Variants in EIF2D observed in about 807,000 individuals in gnomAD.
EIF2D encodes the protein eukaryotic translation initiation factor 2D, also known as hepatocellular carcinoma-associated antigen 56.
In EIF2D, 56 loss-of-function variants were observed where a neutral mutation model predicts 77.4. The observed-to-expected ratio is 0.72, with a 90% CI of 0.58 to 0.90. The LOEUF (loss-of-function observed/expected upper bound fraction) is 0.90. Ranked by LOEUF, EIF2D falls within the 40% of genes least tolerant of loss-of-function variation. The pLI, the probability that EIF2D is intolerant of heterozygous loss-of-function variation, is 0.00. For synonymous variants in EIF2D, 230 were observed against 271.0 expected (o/e 0.85, Z 1.49); for missense variants, 574 against 706.5 (o/e 0.81, Z 2.13).
At chr1:206,570,957 G>A (rs191459892), downstream of EIF2D, among the ~76,000 whole-genome samples, 1 of 152,274 alleles carries the variant, frequency 6.6e-6, no homozygotes, top group Non-Finnish European at 1.5e-5. Context: ...ATACCCAGAA[G>A]TGTAATTGCT....
At chr1:206,585,120 A>C in intron 2 of EIF2D, 5 of 1,305,064 alleles carry the variant, frequency 3.8e-6, no homozygotes, top group Non-Finnish European at 5.5e-6. Flanking sequence ...CTTTCCCGCA[A>C]GCCTGGGCCC....
rs1669511373 is a variant in EIF2D, at chr1:206,593,926, CT to C, written c.1510-134del. 33 of 702,030 alleles carry C rather than the reference CT, an allele frequency of 4.7e-5. No homozygotes were observed. In the East Asian group the frequency reaches 8.6e-4, roughly 18 times the overall value. 43.5% of individuals were successfully genotyped at this position (702,030 alleles called of 1,614,324 possible). On this transcript the variant is annotated intron_variant, in intron 13 of 14. Coordinates refer to ENST00000271764, the MANE Select transcript of EIF2D (RefSeq NM_006893.3). ...GTTCACCATTCCTATAACCCTAGTA[CT>C]TTTTAAATCCAAATCACTTATTTTT... is the stretch of plus-strand genomic sequence containing the variant.
intron 11 of EIF2D, 21 bp downstream of exon 11, chr1:206,598,982 T>A: frequency 2.5e-6 from 4 of 1,612,272 alleles, no homozygotes; most frequent in Non-Finnish European, 3.4e-6. Flanking sequence ...AAGACAGATC[T>A]GGTGCTTCTC....
At chr1:206,571,327 A>G (rs781971586) in exon 6 of EIF2D, 4 of 151,876 alleles carry the variant, frequency 2.6e-5, no homozygotes, top group African/African-American at 4.8e-5. Context: ...CTGCATATCA[A>G]TCCCTTATGG....
At chr1:206,581,580 CAGAG>C (rs1668875751) in intron 2 of EIF2D, among the ~76,000 whole-genome samples, 1 of 149,642 alleles carries the variant, frequency 6.7e-6, no homozygotes, top group Admixed American at 6.7e-5. Flanking sequence ...GCCTGGGTGA[CAGAG>C]GGAGACGAAA....
chr1:206,586,526 C>T, intron 2 of EIF2D: 1 of 276,844 alleles, frequency 3.6e-6, no homozygotes, highest in Non-Finnish European at 7.0e-6. Flanking sequence ...GTGGTTCCAG[C>T]ATCACTGTCA....
Position 206,602,536 on chromosome 1 carries a change from T to C in EIF2D, c.785-83A>G. 2.5e-6 allele frequency: 3 copies of C among 1,220,114 alleles called. No individual in the cohort carries two copies. In the Admixed American group the frequency reaches 5.2e-5, roughly 21 times the overall value. 75.6% of individuals were successfully genotyped at this position (1,220,114 alleles called of 1,614,324 possible). On this transcript the variant is annotated intron_variant, in intron 6 of 14. Transcript: ENST00000271764. The stretch of plus-strand genomic sequence containing the variant: ...AGAAAACGACCCCCAGCTTCATCCC[T>C]ACCTCACCCACTTGGCTCTGAAAGG...
rs782142573 is a variant in EIF2D, at chr1:206,591,828, G to T, written c.1702C>A (p.Arg568=). The stretch of plus-strand genomic sequence containing the variant: ...TTTTCTAGACCTTGGATGTGTTTTC[G>T]AGGGAGCTGATACTCTTCTACAATC... ...WLLLEEYQLP[R]KHIQGLEKAL... is the part of the protein sequence containing the mutation. Residue 568 remains arginine (R), a synonymous_variant, in exon 15 of 15, where the codon CGA becomes AGA. Coordinates refer to ENST00000271764, the MANE Select transcript of EIF2D (RefSeq NM_006893.3). 4 of 1,613,946 alleles carry T rather than the reference G, an allele frequency of 2.5e-6. No homozygotes were observed. In the African/African-American group the frequency reaches 5.3e-5, roughly 22 times the overall value.
At chr1:206,587,731 C>T (rs538220743), downstream of EIF2D, 2 of 152,426 alleles carry the variant, frequency 1.3e-5, no homozygotes, top group Non-Finnish European at 2.9e-5. Context: ...TTTTAAGTTA[C>T]AAATTTGAAT....
chr1:206,586,687 A>T (rs1327304557), downstream of EIF2D: 4 of 706,816 alleles, frequency 5.7e-6, no homozygotes, highest in East Asian at 2.5e-5. Context: ...TCGCTGATTC[A>T]GTCTGTTCAG....
At chr1:206,602,843 T>G (rs1558537098) in intron 6 of EIF2D, 108 bp downstream of exon 6, 7 of 1,468,698 alleles carry the variant, frequency 4.8e-6, no homozygotes, top group Non-Finnish European at 6.4e-6. Context: ...GACCTTCCCC[T>G]CCTCCCCCGG....
chr1:206,571,350 G>T (rs1211024214), exon 6 of EIF2D: 8 of 150,012 alleles, frequency 5.3e-5, no homozygotes, highest in Non-Finnish European at 1.2e-4. Flanking sequence ...TATATCATTT[G>T]CAAAGGAATA....
chr1:206,592,331 A>C lies in EIF2D; in HGVS notation c.1685-486T>G, dbSNP rs1669378708. 6.6e-6 allele frequency among the ~76,000 whole-genome samples: 1 copy of C among 152,268 alleles called. No individual in the cohort carries two copies. The highest frequency in any genetic ancestry group is 1.5e-5 in the Non-Finnish European group (1 of 68,048). ...TTAGAAAAAATTAGCCAAGCTGCAG[A>C]CATTAACCGGAAATATAAACACAAT... On this transcript the variant is annotated intron_variant, in intron 14 of 14. Coordinates refer to ENST00000271764, the MANE Select transcript of EIF2D (RefSeq NM_006893.3). This position sits in a 1 kb window ranked among gnomAD's most constrained non-coding sequence, Gnocchi z 4.7.
At position 206,584,807 on chromosome 1, in the gene EIF2D, C is replaced by G; in HGVS notation, c.139-3645G>C. ...CTTCTCCTGAGCACCAGGGGTCCAG[C>G]TGCCCATGTGGTGTTCAGATCTGTG... On this transcript the variant is annotated intron_variant and NMD_transcript_variant, in intron 2 of 5. Transcript: ENST00000472709. The surrounding 1 kb of genome is among the most constrained non-coding windows in gnomAD (Gnocchi z 4.9). 1 of 1,025,168 alleles carries G rather than the reference C, an allele frequency of 9.8e-7. No homozygotes were observed. The highest frequency in any genetic ancestry group is 2.6e-5 in the East Asian group (1 of 38,732). 63.5% of individuals were successfully genotyped at this position (1,025,168 alleles called of 1,614,324 possible). A position where few individuals can be genotyped will look rare whatever the true frequency, so the allele number is the denominator to read the frequency against.
At chr1:206,606,481 A>G (rs1265865504) in intron 4 of EIF2D, among the ~76,000 whole-genome samples, 2 of 152,084 alleles carry the variant, frequency 1.3e-5, no homozygotes, top group African/African-American at 4.8e-5. Context: ...CTCCACCCCC[A>G]TATACACTCT....
At chr1:206,595,541 G>A in intron 13 of EIF2D, 177 bp downstream of exon 13, 1 of 608,590 alleles carries the variant, frequency 1.6e-6, no homozygotes, top group Non-Finnish European at 2.6e-6. Flanking sequence ...AGTGAGCGGG[G>A]TCAGCTTTAC....
intron 2 of EIF2D, among the ~76,000 whole-genome samples, chr1:206,582,459 T>A (rs1261992568): frequency 6.6e-6 from 1 of 152,192 alleles, no homozygotes; most frequent in Non-Finnish European, 1.5e-5. Flanking sequence ...CTCAATAGTC[T>A]CACCTGTAAG....
chr1:206,586,981 G>A (rs782708472), downstream of EIF2D: 50 of 1,613,902 alleles, frequency 3.1e-5, no homozygotes, highest in Non-Finnish European at 4.1e-5. Context: ...CTGGGTAACC[G>A]GTCCTGCTTC....
At chr1:206,607,252 A>G (rs184581370) in intron 4 of EIF2D, among the ~76,000 whole-genome samples, 2 of 152,374 alleles carry the variant, frequency 1.3e-5, no homozygotes, top group Non-Finnish European at 1.5e-5. Context: ...AAGTGAAAAA[A>G]TAACACATAC....
Sources: allele counts gnomAD v4.1 joint callset (sites outside exome capture counted in the v4.1 genomes callset), GRCh38; gene constraint gnomAD v4.1.1; non-coding constraint Gnocchi (gnomAD v3.1); transcripts MANE v1.5; gene names NCBI Gene and HGNC (gene_info 2026-07-23, HGNC 2026-07-21).